Variants in DCDC1 observed in about 807,000 individuals in gnomAD.
DCDC1 encodes doublecortin domain containing 1.
A neutral mutation model predicts 178.3 loss-of-function variants in DCDC1; 200 were observed. The observed-to-expected ratio is 1.12, with a 90% CI of 1.00 to 1.26. DCDC1 has a LOEUF of 1.26. Among genes scored for constraint, DCDC1 ranks in the 50% most tolerant of loss-of-function variants. DCDC1 has a pLI of 0.00. For missense variants in DCDC1, 1,983 were observed against 1,749.2 expected, an observed-to-expected ratio of 1.13 and a Z score of -2.38; for synonymous variants, 690 against 604.8, an observed-to-expected ratio of 1.14 and a Z score of -2.07.
chr11:31,314,177 G>A (rs1948927936), intron 3 of DCDC1, among the ~76,000 whole-genome samples: 1 of 152,020 alleles, frequency 6.6e-6, no homozygotes, highest in African/African-American at 2.4e-5. Context: ...TTTAATTTCT[G>A]TCAAACATTT....
At chr11:31,109,612 T>C (rs1392311614) in intron 12 of DCDC1, among the ~76,000 whole-genome samples, 1 of 152,008 alleles carries the variant, frequency 6.6e-6, no homozygotes, top group Non-Finnish European at 1.5e-5. Flanking sequence ...GGTGCTGAAC[T>C]GAAGGGAGAA....
chr11:30,975,763 T>C (rs1354405878), intron 20 of DCDC1, among the ~76,000 whole-genome samples: 1 of 152,012 alleles, frequency 6.6e-6, no homozygotes, highest in Non-Finnish European at 1.5e-5. Flanking sequence ...GAAGAACTAA[T>C]ATCATTAAAA....
intron 11 of DCDC1, among the ~76,000 whole-genome samples, chr11:31,122,448 G>A (rs1228928838): frequency 6.6e-6 from 1 of 152,092 alleles, no homozygotes; most frequent in Non-Finnish European, 1.5e-5. Context: ...CTGAAGATGT[G>A]CTGGTAAATG....
At chr11:31,184,676 T>A (rs1004958691) in intron 9 of DCDC1, among the ~76,000 whole-genome samples, 1 of 152,200 alleles carries the variant, frequency 6.6e-6, no homozygotes, top group Non-Finnish European at 1.5e-5. Flanking sequence ...AAGCTCATTA[T>A]CACTGGTCAT....
chr11:30,950,713 C>T lies in DCDC1; in HGVS notation c.2715+1732G>A, dbSNP rs76965459. 1.5e-3 allele frequency among the ~76,000 whole-genome samples: 220 copies of T among 151,388 alleles called. 2 individuals are homozygous for T. The highest frequency in any genetic ancestry group is 2.5e-3 in the Non-Finnish European group (167 of 67,890). On this transcript the variant is annotated intron_variant, in intron 21 of 38. Transcript: ENST00000684477. ...GGTTGCCAGAGCCTGGGAAAGGTAGCGGGGAGGAGGGAATAAAGGGAGGTT... is the reference window on the plus strand; with the variant it reads ...GGTTGCCAGAGCCTGGGAAAGGTAGTGGGGAGGAGGGAATAAAGGGAGGTT...
intron 20 of DCDC1, among the ~76,000 whole-genome samples, chr11:30,984,936 T>C (rs1213821745): frequency 6.6e-6 from 1 of 152,172 alleles, no homozygotes; most frequent in African/African-American, 2.4e-5. Context: ...CCTAAAAGGA[T>C]GGGAGTCCAG....
intron 8 of DCDC1, 70 bp downstream of exon 8, chr11:31,265,437 T>C: frequency 1.2e-6 from 1 of 824,958 alleles, no homozygotes; most frequent in Non-Finnish European, 1.7e-6. Context: ...TTTAAATGTT[T>C]AAAGTAAAAA....
chr11:31,367,115 G>T (rs1220183377), intron 1 of DCDC1, among the ~76,000 whole-genome samples: 2 of 152,136 alleles, frequency 1.3e-5, no homozygotes, highest in Non-Finnish European at 2.9e-5. Flanking sequence ...GGCCAACATG[G>T]TGAAACTCCA....
chr11:30,990,880 G>A (rs1038266703), intron 20 of DCDC1, among the ~76,000 whole-genome samples: 8 of 152,312 alleles, frequency 5.3e-5, no homozygotes, highest in African/African-American at 1.9e-4. Flanking sequence ...AGTAACATGG[G>A]TGAGAACTTC....
intron 3 of DCDC1, among the ~76,000 whole-genome samples, chr11:31,313,368 T>C (rs1591730963): frequency 6.6e-6 from 1 of 152,306 alleles, no homozygotes; most frequent in African/African-American, 2.4e-5. Flanking sequence ...TATCTGTTTA[T>C]TGTTGCTTCC....
At chr11:31,214,379 A>G (rs1444817413) in intron 9 of DCDC1, among the ~76,000 whole-genome samples, 2 of 152,242 alleles carry the variant, frequency 1.3e-5, no homozygotes, top group African/African-American at 4.8e-5. Flanking sequence ...TGTATAATGT[A>G]AAAGTAGATT....
chr11:31,258,753 A>AG (rs1039242119), intron 8 of DCDC1, among the ~76,000 whole-genome samples: 9 of 152,090 alleles, frequency 5.9e-5, no homozygotes, highest in Non-Finnish European at 1.0e-4. Context: ...TGTGGAGATG[A>AG]GGGGGAAACT....
chr11:31,276,974 A>G (rs887524291), intron 7 of DCDC1, among the ~76,000 whole-genome samples: 6 of 152,072 alleles, frequency 3.9e-5, no homozygotes, highest in African/African-American at 1.4e-4. Context: ...TTTAAAATCT[A>G]CTCTGTTGAT....
intron 9 of DCDC1, among the ~76,000 whole-genome samples, chr11:31,179,931 AAC>A (rs1968561626): frequency 6.6e-6 from 1 of 152,236 alleles, no homozygotes; most frequent in Non-Finnish European, 1.5e-5. Flanking sequence ...TTGAAAAGAT[AAC>A]ACACCATAAT....
chr11:31,133,514 C>T (rs567384626), intron 10 of DCDC1, among the ~76,000 whole-genome samples: 8 of 152,086 alleles, frequency 5.3e-5, no homozygotes, highest in African/African-American at 1.2e-4. Context: ...ATGTTTTAAG[C>T]GGTAAGAAGG....
intron 35 of DCDC1, among the ~76,000 whole-genome samples, chr11:30,893,344 C>T (rs1943944376): frequency 6.6e-6 from 1 of 152,176 alleles, no homozygotes; most frequent in South Asian, 2.1e-4. Context: ...CTGCATCTAA[C>T]AAATGAGTTT....
chr11:31,142,715 T>A (rs539803750), intron 9 of DCDC1, among the ~76,000 whole-genome samples: 2 of 152,212 alleles, frequency 1.3e-5, no homozygotes, highest in Middle Eastern at 3.2e-3. Flanking sequence ...TATAATCTTA[T>A]GTATTTGATC....
Position 31,306,350 on chromosome 11 carries a change from C to G in DCDC1, c.473G>C (p.Arg158Pro), listed in dbSNP as rs770336113. 6.2e-7 allele frequency: 1 copy of G among 1,607,886 alleles called. No homozygotes were observed. The highest frequency in any genetic ancestry group is 8.5e-7 in the Non-Finnish European group (1 of 1,177,194). Residue 158 changes from arginine (R) to proline (P), a missense_variant, in exon 5 of 39, where the codon CGG becomes CCG. Physicochemically the swap from Arg to Pro is moderately radical, Grantham distance 103. Transcript: ENST00000684477. ...TCTTTGAGACAATTTCTGCCAATTC[C>G]GGGCTGACTGAAATTTTAAAGAAGA... is the stretch of plus-strand genomic sequence containing the variant. Reference protein sequence around the residue: ...EFSSLKFQSARNWQKLSQRHK... With the variant: ...EFSSLKFQSAPNWQKLSQRHK...
At chr11:31,259,528 T>C (rs1449614824) in intron 8 of DCDC1, among the ~76,000 whole-genome samples, 4 of 152,202 alleles carry the variant, frequency 2.6e-5, no homozygotes, top group Non-Finnish European at 5.9e-5. Flanking sequence ...TCCTATCTTA[T>C]AGATAAGGAA....
Sources: allele counts gnomAD v4.1 joint callset (sites outside exome capture counted in the v4.1 genomes callset), GRCh38; gene constraint gnomAD v4.1.1; transcripts MANE v1.5; gene names NCBI Gene and HGNC (gene_info 2026-07-23, HGNC 2026-07-21).